KIFAP3: variants seen among roughly 807,000 people sequenced by gnomAD.
KIFAP3 encodes the protein kinesin-associated protein 3.
Under a neutral mutation model 106.5 loss-of-function variants are expected in KIFAP3, and 68 were observed. The observed-to-expected ratio is 0.64, with a 90% CI of 0.53 to 0.78. KIFAP3 has a LOEUF of 0.78. KIFAP3 is among the 30% of genes least tolerant of loss of function. The pLI is 0.00. For synonymous variants in KIFAP3, 320 were observed against 311.5 expected (o/e 1.03, Z -0.29); for missense variants, 780 against 941.8 (o/e 0.83, Z 2.25).
intron 8 of KIFAP3, among the ~76,000 whole-genome samples, chr1:170,025,546 A>G (rs779145442): frequency 2.0e-5 from 3 of 152,184 alleles, no homozygotes; most frequent in Non-Finnish European, 4.4e-5. Flanking sequence ...GGAAAGTTAA[A>G]TCACACTTAT....
At chr1:170,078,223 T>A (rs116413335), upstream of KIFAP3, among the ~76,000 whole-genome samples, 9,341 of 152,092 alleles carry the variant, frequency 0.061, 370 homozygotes, top group Non-Finnish European at 0.092. Context: ...GTTTTTTTTT[T>A]AAATTTGTCT....
chr1:170,074,160 T>C (rs1207375360), intron 1 of KIFAP3, among the ~76,000 whole-genome samples: 1 of 151,918 alleles, frequency 6.6e-6, no homozygotes, highest in East Asian at 1.9e-4. Context: ...TACCTTGCCC[T>C]ACCTCCCTCT....
At chr1:169,979,966 T>C (rs1176820526) in intron 15 of KIFAP3, among the ~76,000 whole-genome samples, 1 of 152,166 alleles carries the variant, frequency 6.6e-6, no homozygotes, top group Non-Finnish European at 1.5e-5. Flanking sequence ...AACTTTTGTA[T>C]ACAACATAGA....
intron 17 of KIFAP3, among the ~76,000 whole-genome samples, chr1:169,971,885 C>T (rs1665942773): frequency 6.6e-6 from 1 of 151,792 alleles, no homozygotes; most frequent in Non-Finnish European, 1.5e-5. Flanking sequence ...CTGGTACAGC[C>T]CTGGTGCAAG....
chr1:169,921,415 T>A lies in KIFAP3; in HGVS notation c.*261A>T. ...GTGTTTGTTTTCCAGTCTAGTAGCTTTTCAGCATTCAGTTTTGTGGCTCAT... is the reference window on the plus strand; with the variant it reads ...GTGTTTGTTTTCCAGTCTAGTAGCTATTCAGCATTCAGTTTTGTGGCTCAT... On this transcript the variant is annotated 3_prime_UTR_variant, in exon 20 of 20. Coordinates refer to ENST00000361580, the MANE Select transcript of KIFAP3 (RefSeq NM_014970.4). The A allele has an allele frequency of 3.4e-6, 1 of 290,330 alleles. No homozygotes were observed. Among genetic ancestry groups the A allele is most frequent in the Non-Finnish European group, 6.5e-6 (1 of 154,368 alleles). The allele number at this position is 290,330 out of a possible 1,614,324, so 18.0% of individuals were successfully genotyped here. A position where few individuals can be genotyped will look rare whatever the true frequency, so the allele number is the denominator to read the frequency against.
intron 19 of KIFAP3, among the ~76,000 whole-genome samples, chr1:169,924,155 T>C (rs1022628007): frequency 2.0e-5 from 3 of 152,220 alleles, no homozygotes; most frequent in African/African-American, 7.2e-5. Context: ...AAATATGTCA[T>C]GCACATTGTT....
chr1:170,063,089 T>C (rs1442395909), intron 1 of KIFAP3, among the ~76,000 whole-genome samples: 10 of 152,146 alleles, frequency 6.6e-5, no homozygotes, highest in African/African-American at 2.4e-4. Flanking sequence ...GTAAGACTAA[T>C]GAAAGGCCCC....
chr1:170,031,836 T>G, intron 8 of KIFAP3, 50 bp downstream of exon 8: 1 of 1,128,580 alleles, frequency 8.9e-7, no homozygotes, highest in Non-Finnish European at 1.3e-6. Flanking sequence ...AAAACAAATG[T>G]ATTTGGAGTA....
intron 19 of KIFAP3, among the ~76,000 whole-genome samples, chr1:169,945,146 CGG>C (rs57723527): frequency 2.0e-5 from 3 of 151,310 alleles, no homozygotes; most frequent in South Asian, 2.1e-4. Flanking sequence ...CAGTGGGGGG[CGG>C]GGGGGGGCTG....
intron 19 of KIFAP3, among the ~76,000 whole-genome samples, chr1:169,924,828 A>G (rs1663041868): frequency 6.6e-6 from 1 of 152,206 alleles, no homozygotes; most frequent in Admixed American, 6.5e-5. Flanking sequence ...AGTTCTTGAA[A>G]GAGATAGAAA....
intron 4 of KIFAP3, 24 bp from the exon 5 acceptor site, chr1:170,038,455 C>T: frequency 6.2e-7 from 1 of 1,603,224 alleles, no homozygotes; most frequent in Non-Finnish European, 8.5e-7. Flanking sequence ...GCAGAAAGTA[C>T]TCATCAACAA....
chr1:169,966,420 T>C (rs1230032010), intron 17 of KIFAP3, among the ~76,000 whole-genome samples: 1 of 143,540 alleles, frequency 7.0e-6, no homozygotes, highest in Non-Finnish European at 1.5e-5. Flanking sequence ...TGAAATTAAA[T>C]ATGTGTGTAT....
At chr1:170,056,335 CA>C (rs1376582485) in intron 1 of KIFAP3, among the ~76,000 whole-genome samples, 2 of 152,124 alleles carry the variant, frequency 1.3e-5, no homozygotes, top group African/African-American at 4.8e-5. Context: ...ATTATAGTGT[CA>C]ATAGTAGGTT....
intron 16 of KIFAP3, among the ~76,000 whole-genome samples, chr1:169,976,555 G>A (rs1215340190): frequency 6.6e-6 from 1 of 152,060 alleles, no homozygotes; most frequent in East Asian, 1.9e-4. Flanking sequence ...TTCTGGGAAA[G>A]TCAGTTTATA....
At chr1:169,929,964 C>T (rs577637296) in intron 19 of KIFAP3, among the ~76,000 whole-genome samples, 4 of 152,162 alleles carry the variant, frequency 2.6e-5, no homozygotes, top group African/African-American at 7.2e-5. Context: ...ATGAAGGGAA[C>T]GTGTGTAAAA....
At position 170,024,688 on chromosome 1, in the gene KIFAP3, G is replaced by A. The variant is rs550985730; in HGVS notation, c.842-92C>T. The A allele has an allele frequency of 9.1e-5, 63 of 693,776 alleles. 1 individual carries two copies. The African/African-American group carries it at 9.7e-4, about 11-fold the overall frequency. 43.0% of individuals were successfully genotyped at this position (693,776 alleles called of 1,614,324 possible). A position where few individuals can be genotyped will look rare whatever the true frequency, so the allele number is the denominator to read the frequency against. ...TCTACTCACCAAGGCAACAGAGATAGCCCTAAAAAGGTAATATATTATTTT... is the reference window on the plus strand; with the variant it reads ...TCTACTCACCAAGGCAACAGAGATAACCCTAAAAAGGTAATATATTATTTT... On this transcript the variant is annotated intron_variant, in intron 8 of 19. Transcript: ENST00000361580.
At chr1:169,985,111 TAAG>T (rs567547380) in intron 11 of KIFAP3, among the ~76,000 whole-genome samples, 17 of 151,922 alleles carry the variant, frequency 1.1e-4, no homozygotes, top group African/African-American at 3.9e-4. Context: ...TTTTAAGAGA[TAAG>T]AAGGTAAAAA....
chr1:170,019,124 T>G (rs1044659004), intron 9 of KIFAP3, among the ~76,000 whole-genome samples: 1 of 152,142 alleles, frequency 6.6e-6, no homozygotes, highest in African/African-American at 2.4e-5. Context: ...TTAAATTCCT[T>G]GAAAGACAAA....
At chr1:170,049,581 G>C (rs1670466375) in intron 2 of KIFAP3, among the ~76,000 whole-genome samples, 1 of 152,204 alleles carries the variant, frequency 6.6e-6, no homozygotes, top group South Asian at 2.1e-4. Flanking sequence ...CCTCATAAAG[G>C]AGATCTCTGG....
Sources: gnomAD v4.1 joint callset for allele counts (sites outside exome capture counted in the v4.1 genomes callset) on GRCh38, gnomAD v4.1.1 for gene constraint, MANE v1.5 for transcripts, NCBI Gene and HGNC (gene_info 2026-07-23, HGNC 2026-07-21) for gene names.